Variants in OPN5 observed in about 807,000 individuals in gnomAD.
OPN5 encodes the protein opsin 5, also known as opsin-5.
OPN5 carries 18 observed loss-of-function variants against 41.7 expected under a neutral mutation model. The observed-to-expected ratio is 0.43, with a 90% CI of 0.30 to 0.64. The LOEUF (loss-of-function observed/expected upper bound fraction) is 0.64, where lower values mean the gene tolerates loss of function less well. OPN5 is among the 30% of genes least tolerant of loss of function. The probability of loss-of-function intolerance (pLI) is 0.13; values close to 1 mark genes in which losing one functional copy is unlikely to be tolerated. For synonymous variants in OPN5, 178 were observed against 164.3 expected (o/e 1.08, Z -0.64); for missense variants, 318 against 434.5 (o/e 0.73, Z 2.38).
intron 4 of OPN5, among the ~76,000 whole-genome samples, chr6:47,803,899 C>A (rs1773866924): frequency 6.6e-6 from 1 of 152,178 alleles, no homozygotes; most frequent in Admixed American, 6.5e-5. Flanking sequence ...ACTTTTCTCA[C>A]TATTCCACAC....
chr6:47,822,863 C>T (rs113210802), intron 6 of OPN5, among the ~76,000 whole-genome samples: 72 of 152,308 alleles, frequency 4.7e-4, no homozygotes, highest in African/African-American at 1.5e-3. Flanking sequence ...GTCCTCCAAA[C>T]GACATCTTCA....
chr6:47,799,276 T>C (rs886350745), intron 4 of OPN5, among the ~76,000 whole-genome samples: 1 of 152,026 alleles, frequency 6.6e-6, no homozygotes, highest in Non-Finnish European at 1.5e-5. Flanking sequence ...TATGATTATA[T>C]TTCTATGACT....
At chr6:47,822,277 G>T (rs1762649432) in intron 6 of OPN5, among the ~76,000 whole-genome samples, 1 of 152,110 alleles carries the variant, frequency 6.6e-6, no homozygotes, top group Non-Finnish European at 1.5e-5. Flanking sequence ...CAGAGAGAGG[G>T]TAATTAGATT....
intron 6 of OPN5, among the ~76,000 whole-genome samples, chr6:47,816,412 G>A (rs919579521): frequency 9.9e-5 from 15 of 152,068 alleles, no homozygotes; most frequent in Admixed American, 7.9e-4. Flanking sequence ...AGAAATATGG[G>A]GCTTTTGCAA....
exon 4 of OPN5, chr6:47,795,455 G>A: frequency 6.2e-7 from 1 of 1,614,062 alleles, no homozygotes; most frequent in South Asian, 1.1e-5. Flanking sequence ...CTGTGATCGT[G>A]TTCTCCTACG....
intron 2 of OPN5, 97 bp downstream of exon 2, chr6:47,786,731 T>C (rs949130195): frequency 5.7e-5 from 59 of 1,033,988 alleles, no homozygotes; most frequent in Non-Finnish European, 7.9e-5. Flanking sequence ...ATCTCTTCCC[T>C]TCACATCTCC....
chr6:47,819,522 A>G (rs1351893662), intron 6 of OPN5, among the ~76,000 whole-genome samples: 1 of 146,572 alleles, frequency 6.8e-6, no homozygotes. Context: ...TTAATTTAAT[A>G]CAATTATTAA....
chr6:47,782,290 G>T (rs1386139565), intron 1 of OPN5, 94 bp downstream of exon 1: 13 of 1,263,594 alleles, frequency 1.0e-5, no homozygotes, highest in Admixed American at 9.1e-5. Context: ...TACTTAAGTG[G>T]ATAGTTTAGT....
At position 47,782,063 on chromosome 6, in the gene OPN5, C is replaced by T. The variant is rs768048940; in HGVS notation, c.-4C>T. ...TTTCAGATCCCTCGTGGTTCGAGAA[C>T]AGAATGGCGTTAAATCACACTGCCC... On this transcript the variant is annotated 5_prime_UTR_variant, in exon 1 of 7. Coordinates refer to ENST00000371211, the Ensembl canonical transcript of OPN5. The T allele has an allele frequency of 6.8e-6, 11 of 1,612,572 alleles. No homozygotes were observed. The South Asian group carries it at 9.9e-5, about 15-fold the overall frequency.
chr6:47,798,925 A>T (rs1195540536), intron 4 of OPN5, among the ~76,000 whole-genome samples: 1 of 152,116 alleles, frequency 6.6e-6, no homozygotes, highest in African/African-American at 2.4e-5. Context: ...TTTTCAGAAC[A>T]GCCTGGTCTA....
At chr6:47,796,322 G>A (rs547956062) in intron 4 of OPN5, among the ~76,000 whole-genome samples, 77 of 152,246 alleles carry the variant, frequency 5.1e-4, no homozygotes, top group African/African-American at 1.8e-3. Context: ...CTGTCATCTG[G>A]TGCATAGAAG....
In OPN5 at chr6:47,806,626, T is replaced by G. The variant is rs1773977843; in HGVS notation, c.757-1528T>G. Among the ~76,000 whole-genome samples the G allele has an allele frequency of 2.6e-5, 4 of 152,178 alleles. No homozygotes were observed. The South Asian group carries it at 8.3e-4, about 32-fold the overall frequency. ...CTCCTAAGCAGCGCTCTCATCATATTTCCTGCTCAAAAACCTACTAGTGTC... is the reference window on the plus strand; with the variant it reads ...CTCCTAAGCAGCGCTCTCATCATATGTCCTGCTCAAAAACCTACTAGTGTC... On this transcript the variant is annotated intron_variant, in intron 4 of 6. Coordinates refer to ENST00000371211, the Ensembl canonical transcript of OPN5.
chr6:47,821,040 G>A (rs1015918174), intron 6 of OPN5, among the ~76,000 whole-genome samples: 5 of 152,202 alleles, frequency 3.3e-5, no homozygotes, highest in Non-Finnish European at 5.9e-5. Context: ...TTAAGTGGAA[G>A]TGGATCATCA....
chr6:47,791,970 ATGGTAAGTTG>A lies in OPN5; in HGVS notation c.420_421+8del, dbSNP rs1773388874. ...TATTTGAAAATCTGCTATTTATCTTATGGTAAGTTGGCAGGTTTCTCATTCCCTGACAGTT... is the reference window on the plus strand; with the variant it reads ...TATTTGAAAATCTGCTATTTATCTTAGCAGGTTTCTCATTCCCTGACAGTT... On this transcript the variant is annotated splice_donor_variant and splice_donor_5th_base_variant and coding_sequence_variant and intron_variant, in exon 3 of 7. Coordinates refer to ENST00000371211, the Ensembl canonical transcript of OPN5. LOFTEE classifies it high-confidence loss of function. 6.2e-7 allele frequency: 1 copy of A among 1,612,052 alleles called. No homozygotes were observed. Among genetic ancestry groups the A allele is most frequent in the Non-Finnish European group, 8.5e-7 (1 of 1,179,002 alleles).
At chr6:47,792,038 A>G (rs1040291158) in intron 3 of OPN5, 66 bp downstream of exon 3, 4 of 1,112,660 alleles carry the variant, frequency 3.6e-6, no homozygotes, top group African/African-American at 1.6e-5. Flanking sequence ...AGAACTGTAC[A>G]TATTTTATGC....
exon 3 of OPN5, chr6:47,791,947 T>C: frequency 1.2e-6 from 2 of 1,613,754 alleles, no homozygotes; most frequent in Non-Finnish European, 1.7e-6. Flanking sequence ...TGGATCGATA[T>C]TTGAAAATCT....
chr6:47,816,935 G>A (rs1305558116), intron 6 of OPN5, among the ~76,000 whole-genome samples: 4 of 152,108 alleles, frequency 2.6e-5, no homozygotes, highest in Non-Finnish European at 5.9e-5. Context: ...TCTTGTTCTT[G>A]AGGAGGTAGG....
chr6:47,785,224 G>T (rs1001814446), intron 1 of OPN5, among the ~76,000 whole-genome samples: 43 of 152,244 alleles, frequency 2.8e-4, no homozygotes, highest in African/African-American at 9.4e-4. Flanking sequence ...TTCAAGCCAC[G>T]TTTTCACATT....
intron 5 of OPN5, among the ~76,000 whole-genome samples, chr6:47,809,377 C>T (rs1561901603): frequency 1.3e-5 from 2 of 152,140 alleles, no homozygotes; most frequent in Non-Finnish European, 2.9e-5. Context: ...CTTGTTCTTT[C>T]ATTGTGCCTG....
Sources: gnomAD v4.1 joint callset for allele counts (sites outside exome capture counted in the v4.1 genomes callset) on GRCh38, gnomAD v4.1.1 for gene constraint, MANE v1.5 for transcripts, NCBI Gene and HGNC (gene_info 2026-07-23, HGNC 2026-07-21) for gene names.